The following FRMPD4 variants were observed in gnomAD, a reference collection of about 807,000 sequenced individuals.
FRMPD4 encodes the protein FERM and PDZ domain-containing protein 4.
Under a neutral mutation model 94.1 loss-of-function variants are expected in FRMPD4, and 22 were observed. That is an observed-to-expected ratio of 0.23 (90% CI 0.17 to 0.33). The LOEUF is 0.33. FRMPD4 is among the 10% of genes least tolerant of loss of function. The pLI, the probability that FRMPD4 is intolerant of heterozygous loss-of-function variation, is 1.00. For synonymous variants in FRMPD4, 631 were observed against 548.6 expected (o/e 1.15, Z -2.10); for missense variants, 1,111 against 1,339.9 (o/e 0.83, Z 2.67).
intron 3 of FRMPD4, among the ~76,000 whole-genome samples, chrX:11,907,125 A>G (rs2053972172): frequency 9.0e-6 from 1 of 110,912 alleles, no homozygotes; most frequent in Admixed American, 9.6e-5. Flanking sequence ...TAATGTTTAT[A>G]TTGTTATATT....
chrX:12,450,199 C>T (rs1432794781), intron 1 of FRMPD4, among the ~76,000 whole-genome samples: 1 of 110,409 alleles, frequency 9.1e-6, no homozygotes, highest in Non-Finnish European at 1.9e-5. Context: ...TCCTAACTCT[C>T]TCTGTTTGGG....
At position 12,041,947 on chromosome X, in the gene FRMPD4, T is replaced by C. The variant is rs1180392951; in HGVS notation, c.95+163929T>C. On this transcript the variant is annotated intron_variant, in intron 3 of 18. Coordinates refer to the FRMPD4 transcript ENST00000640291. The stretch of plus-strand genomic sequence containing the variant: ...AATCTTGTGAATTTTGCATTTTGCT[T>C]ATTGGACTTTTCTCCTCTAGAATTT... Among the ~76,000 whole-genome samples, 3 of 112,208 alleles carry C rather than the reference T, an allele frequency of 2.7e-5. No homozygotes were observed. In the Admixed American group the frequency reaches 2.8e-4, roughly 11 times the overall value.
chrX:12,681,049 A>G (rs1275311684), intron 5 of FRMPD4, among the ~76,000 whole-genome samples: 4 of 111,921 alleles, frequency 3.6e-5, no homozygotes, highest in African/African-American at 9.7e-5. Context: ...ATGGCAAAAT[A>G]TAACATTTAA....
At chrX:12,281,609 A>G (rs111440619) in intron 1 of FRMPD4, among the ~76,000 whole-genome samples, 1,248 of 111,185 alleles carry the variant, frequency 0.011, 20 homozygotes, top group African/African-American at 0.039. Flanking sequence ...TTCTGGCCTC[A>G]AGTGATCTGC....
chrX:12,368,979 AC>A (rs2056124100), intron 1 of FRMPD4, among the ~76,000 whole-genome samples: 1 of 111,671 alleles, frequency 9.0e-6, no homozygotes, highest in Non-Finnish European at 1.9e-5. Context: ...ACTAATTTAA[AC>A]AGTTTCTGCC....
At chrX:12,220,133 C>T (rs766739209) in intron 1 of FRMPD4, among the ~76,000 whole-genome samples, 8 of 103,646 alleles carry the variant, frequency 7.7e-5, no homozygotes, top group Non-Finnish European at 1.2e-4. Context: ...AAGAGTGAAA[C>T]TTTGTCTCAA....
Position 12,718,336 on chromosome X carries a change from C to T in FRMPD4, c.3510C>T (p.Asp1170=). 8.3e-7 allele frequency: 1 copy of T among 1,210,985 alleles called. No individual in the cohort carries two copies. The highest frequency in any genetic ancestry group is 1.7e-5 in the African/African-American group (1 of 57,827). The change falls in exon 16 of 17, where the codon GAC becomes GAT. Residue 1170 remains aspartate (D), a synonymous_variant. Transcript: ENST00000675598. Reference sequence around the variant, plus strand: ...ACTTAGATAACCCAGAGGACGCTGACTCGTCCACCTGCGACCATCCTTCCA... The same window carrying T: ...ACTTAGATAACCCAGAGGACGCTGATTCGTCCACCTGCGACCATCCTTCCA... ...AKDLDNPEDA[D]SSTCDHPSKL...
chrX:12,587,732 A>C (rs1282449036), intron 2 of FRMPD4, among the ~76,000 whole-genome samples: 1 of 110,117 alleles, frequency 9.1e-6, no homozygotes, highest in Non-Finnish European at 1.9e-5. Context: ...TCTACCTCTT[A>C]GTTCTCATGA....
chrX:12,042,577 C>T (rs1449477937), intron 3 of FRMPD4, among the ~76,000 whole-genome samples: 1 of 111,748 alleles, frequency 8.9e-6, no homozygotes, highest in African/African-American at 3.3e-5. Context: ...CACACTCTGT[C>T]AGTGAATTTG....
chrX:12,446,229 C>T (rs201445288), intron 1 of FRMPD4, among the ~76,000 whole-genome samples: 1 of 112,272 alleles, frequency 8.9e-6, no homozygotes, highest in East Asian at 2.8e-4. Flanking sequence ...ATTTATAAAA[C>T]AATCAATAAT....
intron 2 of FRMPD4, among the ~76,000 whole-genome samples, chrX:11,876,801 C>A (rs748595076): frequency 8.9e-6 from 1 of 112,648 alleles, no homozygotes; most frequent in African/African-American, 3.2e-5. Context: ...AAATGATACT[C>A]CTCCTGTCTT....
intron 1 of FRMPD4, among the ~76,000 whole-genome samples, chrX:12,425,749 G>A (rs1404197396): frequency 8.9e-6 from 1 of 112,075 alleles, no homozygotes; most frequent in African/African-American, 3.2e-5. Context: ...TCTAGAGTGA[G>A]AAGGTCTTGA....
intron 1 of FRMPD4, among the ~76,000 whole-genome samples, chrX:12,467,767 C>T (rs1204218673): frequency 1.8e-5 from 2 of 111,718 alleles, no homozygotes; most frequent in African/African-American, 6.5e-5. Flanking sequence ...AATGCAAATA[C>T]GGGGAAAGGA....
intron 1 of FRMPD4, among the ~76,000 whole-genome samples, chrX:12,151,928 G>T (rs1376300906): frequency 9.0e-6 from 1 of 111,528 alleles, no homozygotes; most frequent in Non-Finnish European, 1.9e-5. Context: ...AGTATACTGA[G>T]TATTTCAAAA....
intron 1 of FRMPD4, among the ~76,000 whole-genome samples, chrX:12,199,948 A>G (rs68025895): frequency 0.22 from 24,380 of 109,300 alleles, 2,437 homozygotes; most frequent in East Asian, 0.62. Context: ...CTGGGTGGAG[A>G]CCACAAGACC....
At chrX:12,349,906 A>T (rs2055775549) in intron 1 of FRMPD4, among the ~76,000 whole-genome samples, 1 of 111,982 alleles carries the variant, frequency 8.9e-6, no homozygotes, top group Non-Finnish European at 1.9e-5. Flanking sequence ...CTTAAATTAT[A>T]TTATAAATGC....
chrX:12,274,137 T>G (rs2054396007), intron 1 of FRMPD4, among the ~76,000 whole-genome samples: 1 of 110,893 alleles, frequency 9.0e-6, no homozygotes, highest in African/African-American at 3.3e-5. Context: ...CTCTAGGATT[T>G]TTTTTTTTTA....
chrX:12,405,676 C>T (rs1173210005), intron 1 of FRMPD4, among the ~76,000 whole-genome samples: 1 of 111,675 alleles, frequency 9.0e-6, no homozygotes, highest in Non-Finnish European at 1.9e-5. Context: ...TGATTCTTTG[C>T]ACCTTGTCAT....
chrX:12,415,174 TATTG>T (rs2056783981), intron 1 of FRMPD4, among the ~76,000 whole-genome samples: 1 of 111,488 alleles, frequency 9.0e-6, no homozygotes, highest in Non-Finnish European at 1.9e-5. Flanking sequence ...AATTTAACAT[TATTG>T]ATTCTTAGTT....
Sources: allele counts gnomAD v4.1 joint callset (sites outside exome capture counted in the v4.1 genomes callset), GRCh38; gene constraint gnomAD v4.1.1; transcripts MANE v1.5; gene names NCBI Gene and HGNC (gene_info 2026-07-23, HGNC 2026-07-21).